The following LPIN3 variants were observed in gnomAD, a reference collection of about 807,000 sequenced individuals.
LPIN3 encodes the protein phosphatidate phosphatase LPIN3.
LPIN3 carries 82 observed loss-of-function variants against 94.7 expected under a neutral mutation model. The observed-to-expected ratio is 0.87, with a 90% CI of 0.72 to 1.04. The LOEUF is 1.04. Among genes scored for constraint, LPIN3 ranks in the 50% least tolerant of loss-of-function variants. The pLI, the probability that LPIN3 is intolerant of heterozygous loss-of-function variation, is 0.00. For synonymous variants in LPIN3, 418 were observed against 443.3 expected (o/e 0.94, Z 0.72); for missense variants, 996 against 1,090.5 (o/e 0.91, Z 1.22).
chr20:41,344,225 GTGCAGAAGTGGCCATGGGCCA>G (rs890911983), intron 1 of LPIN3, among the ~76,000 whole-genome samples: 1 of 152,244 alleles, frequency 6.6e-6, no homozygotes, highest in Non-Finnish European at 1.5e-5. Context: ...TTGCAGGGCT[GTGCAGAAGTGGCCATGGGCCA>G]TGCAACCAAC....
At chr20:41,347,671 C>A in intron 3 of LPIN3, 24 bp downstream of exon 3, 1 of 1,582,974 alleles carries the variant, frequency 6.3e-7, no homozygotes, top group Non-Finnish European at 8.6e-7. Context: ...CCTAACAGCA[C>A]CTGCCCCGCC....
In LPIN3 at chr20:41,357,873, C is replaced by A. The variant is rs775981379; in HGVS notation, c.2040-9C>A. ...GATGGCTCTATGCCACCCTGTCCCCCACTCTCAGAAATGGGTACAAGTTCC... is the reference window on the plus strand; with the variant it reads ...GATGGCTCTATGCCACCCTGTCCCCAACTCTCAGAAATGGGTACAAGTTCC... On this transcript the variant is annotated splice_polypyrimidine_tract_variant and intron_variant, in intron 16 of 19. Transcript: ENST00000373257. The A allele has an allele frequency of 4.3e-6, 7 of 1,613,902 alleles. No homozygotes were observed. The highest frequency in any genetic ancestry group is 1.6e-4 in the Middle Eastern group (1 of 6,082).
intron 7 of LPIN3, 105 bp downstream of exon 7, chr20:41,350,502 G>A: frequency 2.3e-6 from 2 of 868,350 alleles, no homozygotes; most frequent in Admixed American, 2.9e-5. Flanking sequence ...TGTGCTAGGT[G>A]CTGTTCTTGG....
In LPIN3 at chr20:41,358,514, C is replaced by G; in HGVS notation, c.2383C>G (p.Gln795Glu). The change falls in exon 19 of 20, where the codon CAG (glutamine) becomes GAG (glutamate). Residue 795 changes from glutamine to glutamate, a missense_variant. By Grantham distance (29) the Gln-to-Glu change is conservative (BLOSUM62 2). Coordinates refer to ENST00000373257, the MANE Select transcript of LPIN3 (RefSeq NM_022896.3). ...FTVNPRGELIQELIKNHKSTY... is the reference protein window; with the variant it reads ...FTVNPRGELIEELIKNHKSTY... ...AGTCAACCCCCGGGGAGAGCTCATC[C>G]AGGAGCTCATAAAGAACCACAAATC... The G allele has an allele frequency of 6.2e-7, 1 of 1,614,056 alleles. No individual in the cohort carries two copies. The highest frequency in any genetic ancestry group is 8.5e-7 in the Non-Finnish European group (1 of 1,179,986).
chr20:41,355,222 A>G (rs773540499), intron 13 of LPIN3, among the ~76,000 whole-genome samples: 1 of 152,182 alleles, frequency 6.6e-6, no homozygotes, highest in South Asian at 2.1e-4. Flanking sequence ...CCTGTTGGTC[A>G]GGCTGGTCTT....
chr20:41,347,775 C>T (rs2045840078), intron 3 of LPIN3, 128 bp downstream of exon 3: 4 of 767,276 alleles, frequency 5.2e-6, no homozygotes, highest in Non-Finnish European at 2.1e-6. Context: ...AGGTCTGAGG[C>T]AGGGGTATCA....
At position 41,355,899 on chromosome 20, in the gene LPIN3, G is replaced by A; in HGVS notation, c.1668G>A (p.Glu556=). ...EKTAAKEQQG[E]KTEVLSSDDD... Reference sequence around the variant, plus strand: ...TGAGAGCCAGTGTGGTCCACAGGGAGAAGACAGAAGTCCTGAGCAGTGATG... The same window carrying A: ...TGAGAGCCAGTGTGGTCCACAGGGAAAAGACAGAAGTCCTGAGCAGTGATG... Residue 556 remains glutamate (E), a synonymous_variant, in exon 14 of 20, where the codon GAG becomes GAA. Transcript: ENST00000373257. 1 of 1,614,074 alleles carries A rather than the reference G, an allele frequency of 6.2e-7. No homozygotes were observed. Among genetic ancestry groups the A allele is most frequent in the Non-Finnish European group, 8.5e-7 (1 of 1,179,958 alleles).
In LPIN3 at chr20:41,350,163, G is replaced by A. The variant is rs201799956; in HGVS notation, c.868G>A (p.Gly290Ser). The A allele has an allele frequency of 4.5e-5, 72 of 1,613,008 alleles. 1 individual carries two copies. The East Asian group carries it at 1.1e-3, about 24-fold the overall frequency. Residue 290 changes from glycine to serine, a missense_variant, in exon 7 of 20, where the codon GGC becomes AGC. By Grantham distance (56) the Gly-to-Ser change is moderately conservative. Transcript: ENST00000373257. ...CACTCCCTCTACCTCTGTGGCTGGCGGCGTGGACCCTTTGGGACTCCCAAT... is the reference window on the plus strand; with the variant it reads ...CACTCCCTCTACCTCTGTGGCTGGCAGCGTGGACCCTTTGGGACTCCCAAT... ...PSTPSTSVAG[G>S]VDPLGLPIQQ... is the part of the protein sequence containing the mutation.
intron 16 of LPIN3, 152 bp downstream of exon 16, chr20:41,357,599 G>A: frequency 1.3e-6 from 1 of 753,894 alleles, no homozygotes; most frequent in South Asian, 1.8e-5. Context: ...TTGGCCCGCA[G>A]TTCTGGGAAA....
intron 16 of LPIN3, 109 bp from the exon 17 acceptor site, chr20:41,357,773 G>C: frequency 7.0e-7 from 1 of 1,435,320 alleles, no homozygotes; most frequent in Non-Finnish European, 9.6e-7. Flanking sequence ...CCCTGCAAAG[G>C]TTGGAACATC....
In LPIN3 at chr20:41,349,090, A is replaced by ACAAGGAAATGT. The variant is rs2045901228; in HGVS notation, c.558-2_558-1insCAAGGAAATGT. On this transcript the variant is annotated splice_acceptor_variant, in intron 4 of 19. Transcript: ENST00000373257. LOFTEE classifies it high-confidence loss of function. ...GACCATTTCCTTGTGGCCCCTTAGC[A>ACAAGGAAATGT]GTGTCCAGTTGGAAGAGAAGTCTTC... 6.2e-7 allele frequency: 1 copy of ACAAGGAAATGT among 1,614,058 alleles called. No homozygotes were observed. The highest frequency in any genetic ancestry group is 1.1e-5 in the South Asian group (1 of 91,076).
chr20:41,348,560 T>G lies in LPIN3; in HGVS notation c.289-59T>G, dbSNP rs2045872765. The G allele has an allele frequency of 1.9e-6, 3 of 1,542,788 alleles. No individual in the cohort carries two copies. The South Asian group carries it at 3.8e-5, about 20-fold the overall frequency. On this transcript the variant is annotated intron_variant, in intron 3 of 19. Coordinates refer to ENST00000373257, the MANE Select transcript of LPIN3 (RefSeq NM_022896.3). ...CCAGGCAAGGCTCAAGATGACTGTG[T>G]GGTGAGCGCAGCCCCACTAGGGTCA... is the stretch of plus-strand genomic sequence containing the variant.
At chr20:41,354,050 G>A (rs2046120521) in intron 11 of LPIN3, among the ~76,000 whole-genome samples, 1 of 152,244 alleles carries the variant, frequency 6.6e-6, no homozygotes, top group Non-Finnish European at 1.5e-5. Flanking sequence ...GGGTCTGTAG[G>A]ATGCTGGTGT....
chr20:41,352,725 G>A (rs2046070021), intron 10 of LPIN3, 26 bp downstream of exon 10: 3 of 1,612,856 alleles, frequency 1.9e-6, no homozygotes. Flanking sequence ...GGGGCTGCTG[G>A]CAGCCGGAGA....
intron 3 of LPIN3, 63 bp downstream of exon 3, chr20:41,347,710 G>A (rs2045837241): frequency 7.1e-7 from 1 of 1,411,342 alleles, no homozygotes. Context: ...CTTCTGGGCA[G>A]AGCCTTGGGA....
rs1448689007 is a variant in LPIN3 at position 41,350,381 on chromosome 20, G to T, written c.1086G>T (p.Arg362Ser). 6.4e-7 allele frequency: 1 copy of T among 1,569,852 alleles called. No homozygotes were observed. ...CAGTTCCCACCGGGCAGCCAGAGAG[G>T]GTCTCCAGGGGGAAAGGTGAGTGAC... ...EVPVPTGQPE[R>S]VSRGKGSPKR... is the part of the protein sequence containing the mutation. Residue 362 changes from arginine to serine, a missense_variant, in exon 7 of 20, where the codon AGG becomes AGT. Physicochemically the swap from Arg to Ser is moderately radical, Grantham distance 110. Transcript: ENST00000373257.
intron 7 of LPIN3, 79 bp downstream of exon 7, chr20:41,350,476 T>G: frequency 8.7e-7 from 1 of 1,154,180 alleles, no homozygotes. Context: ...TTCAAGTACA[T>G]TTTGAGCACC....
chr20:41,358,242 TG>T lies in LPIN3; in HGVS notation c.2199del (p.Ile734SerfsTer13). On this transcript the variant is annotated frameshift_variant, in exon 18 of 20. Coordinates refer to ENST00000373257, the MANE Select transcript of LPIN3 (RefSeq NM_022896.3). LOFTEE classifies it high-confidence loss of function. Reference sequence around the variant, plus strand: ...TGTGGTTCTGGCCACCCCAGAGAGGTGATCGAGAAGAAACCAGAGGTGTTCA... The same window carrying T: ...TGTGGTTCTGGCCACCCCAGAGAGGTATCGAGAAGAAACCAGAGGTGTTCA... ...SSLFSALHRE[V>X]IEKKPEVFKV... The T allele has an allele frequency of 6.2e-7, 1 of 1,613,534 alleles. No homozygotes were observed. The highest frequency in any genetic ancestry group is 8.5e-7 in the Non-Finnish European group (1 of 1,179,966).
chr20:41,348,795 T>C lies in LPIN3; in HGVS notation c.465T>C (p.Asp155=), dbSNP rs770345254. Residue 155 remains aspartate, a synonymous_variant, in exon 4 of 20, where the codon GAT becomes GAC. Coordinates refer to ENST00000373257, the MANE Select transcript of LPIN3 (RefSeq NM_022896.3). ...GGAGGAAACCCAAGCAGAAAGAGGA[T>C]GCAGTGGCAACTGATTCTAGTCCAG... ...RRRRKPKQKE[D]AVATDSSPEE... The C allele has an allele frequency of 6.2e-7, 1 of 1,612,312 alleles. No homozygotes were observed. Among genetic ancestry groups the C allele is most frequent in the African/African-American group, 1.3e-5 (1 of 74,906 alleles).
Sources: allele counts gnomAD v4.1 joint callset (sites outside exome capture counted in the v4.1 genomes callset), GRCh38; gene constraint gnomAD v4.1.1; transcripts MANE v1.5; gene names NCBI Gene and HGNC (gene_info 2026-07-23, HGNC 2026-07-21).